Variants in PSD2 observed in about 807,000 individuals in gnomAD.
PSD2 encodes the protein PH and SEC7 domain-containing protein 2.
In PSD2, 38 loss-of-function variants were observed where a neutral mutation model predicts 69.8. That is an observed-to-expected ratio of 0.54 (90% CI 0.42 to 0.71). PSD2 has a LOEUF of 0.71. PSD2 is among the 30% of genes least tolerant of loss of function. The pLI is 0.00. For missense variants in PSD2, 943 were observed against 1,014.5 expected, an observed-to-expected ratio of 0.93 and a Z score of 0.96; for synonymous variants, 412 against 423.0, an observed-to-expected ratio of 0.97 and a Z score of 0.32.
the PSD2 span, among the ~76,000 whole-genome samples, chr5:139,751,055 G>A: frequency 2.6e-5 from 4 of 152,196 alleles, no homozygotes; most frequent in Non-Finnish European, 1.5e-5. Flanking sequence ...GTTCCTGGGG[G>A]CATGGCAGGG....
the PSD2 span, among the ~76,000 whole-genome samples, chr5:139,752,425 G>A: frequency 1.3e-5 from 2 of 152,126 alleles, no homozygotes; most frequent in Admixed American, 6.6e-5. Context: ...GAGGCAAAGC[G>A]ATGGAGAGAC....
the PSD2 span, among the ~76,000 whole-genome samples, chr5:139,778,294 A>C: frequency 1.6e-4 from 25 of 152,348 alleles, no homozygotes; most frequent in Admixed American, 1.6e-3. Context: ...GGAGACATTA[A>C]GGCCCCCCAA....
chr5:139,844,294 GT>G lies in PSD2; in HGVS notation c.*1821del, dbSNP rs1443609131. 2.0e-5 allele frequency: 3 copies of G among 152,148 alleles called. No homozygotes were observed. Among genetic ancestry groups the G allele is most frequent in the African/African-American group, 7.2e-5 (3 of 41,426 alleles). The allele number at this position is 152,148 out of a possible 1,614,324, so 9.4% of individuals were successfully genotyped here. A position where few individuals can be genotyped will look rare whatever the true frequency, so the allele number is the denominator to read the frequency against. On this transcript the variant is annotated 3_prime_UTR_variant, in exon 15 of 15. Coordinates refer to ENST00000274710, the MANE Select transcript of PSD2 (RefSeq NM_032289.4). ...CAGATGTGCTTCCTGAGCATGGGTTGTGCCTCCCATCAGTAAAAAAATGTTT... is the reference window on the plus strand; with the variant it reads ...CAGATGTGCTTCCTGAGCATGGGTTGGCCTCCCATCAGTAAAAAAATGTTT...
In PSD2 at chr5:139,805,168, TATAGAGCATG is replaced by T. The variant is rs1759774692; in HGVS notation, c.-50-4222_-50-4213del. Among the ~76,000 whole-genome samples the T allele has an allele frequency of 2.0e-5, 3 of 152,200 alleles. No individual in the cohort carries two copies. In the South Asian group the frequency reaches 6.2e-4, roughly 32 times the overall value. ...CACCCATGCACTTGCCCCTGTGTCT[TATAGAGCATG>T]CTGGCCTCTGGAGCCCTCCCTGGTG... On this transcript the variant is annotated intron_variant, in intron 1 of 14. Transcript: ENST00000274710.
upstream of PSD2, among the ~76,000 whole-genome samples, chr5:139,793,969 C>T (rs954136921): frequency 4.6e-5 from 7 of 152,174 alleles, no homozygotes; most frequent in Admixed American, 3.9e-4. Flanking sequence ...CTAAGCCCTG[C>T]CATGAGCACT....
At chr5:139,834,406 C>T (rs1410104885) in intron 8 of PSD2, among the ~76,000 whole-genome samples, 1 of 152,048 alleles carries the variant, frequency 6.6e-6, no homozygotes, top group Non-Finnish European at 1.5e-5. Flanking sequence ...CTGCCTCAGC[C>T]TCCCAAGTAG....
chr5:139,760,625 G>A, the PSD2 span, among the ~76,000 whole-genome samples: 1 of 152,182 alleles, frequency 6.6e-6, no homozygotes, highest in Non-Finnish European at 1.5e-5. Context: ...GGCTCACTGA[G>A]CAGGAATCAG....
intron 4 of PSD2, among the ~76,000 whole-genome samples, chr5:139,815,995 TAAAAA>T (rs768724760): frequency 1.2e-4 from 11 of 92,756 alleles, no homozygotes; most frequent in African/African-American, 1.7e-4. Context: ...CTCCATATAT[TAAAAA>T]AAAAAAAAAA....
chr5:139,801,990 C>T (rs1231678733), intron 1 of PSD2, among the ~76,000 whole-genome samples: 3 of 152,172 alleles, frequency 2.0e-5, no homozygotes, highest in Non-Finnish European at 4.4e-5. Flanking sequence ...AGTGAAATGG[C>T]CCAGCACAGC....
chr5:139,823,189 C>T (rs1760317784), intron 7 of PSD2, among the ~76,000 whole-genome samples: 1 of 152,234 alleles, frequency 6.6e-6, no homozygotes, highest in Non-Finnish European at 1.5e-5. Flanking sequence ...GTGGGACGCC[C>T]AGGCTGTGAG....
intron 7 of PSD2, among the ~76,000 whole-genome samples, chr5:139,825,175 G>A (rs1361582661): frequency 6.6e-6 from 1 of 152,212 alleles, no homozygotes; most frequent in Non-Finnish European, 1.5e-5. Context: ...CTCCATGAAG[G>A]GCACACACAG....
chr5:139,807,990 A>G (rs1433172793), intron 1 of PSD2, among the ~76,000 whole-genome samples: 1 of 152,134 alleles, frequency 6.6e-6, no homozygotes, highest in Non-Finnish European at 1.5e-5. Context: ...CAAGTATAGG[A>G]AGTTTGAGCC....
chr5:139,792,356 A>C (rs1478888571), upstream of PSD2, among the ~76,000 whole-genome samples: 2 of 152,166 alleles, frequency 1.3e-5, no homozygotes, highest in Non-Finnish European at 2.9e-5. Context: ...TTGGACCCAA[A>C]TGAGTCCTCC....
At chr5:139,794,643 G>A (rs1759476774), upstream of PSD2, among the ~76,000 whole-genome samples, 1 of 152,112 alleles carries the variant, frequency 6.6e-6, no homozygotes, top group African/African-American at 2.4e-5. Context: ...TGGATCATCT[G>A]CTGAGGTCTG....
chr5:139,813,666 G>T lies in PSD2; in HGVS notation c.729G>T (p.Met243Ile). ...TGAGCCGCCTGTCTCTCATGGCCAT[G>T]CCCAATGGATTCCATGAAGATGGCC... ...NVLSRLSLMA[M>I]PNGFHEDGPQ... Residue 243 changes from methionine (M) to isoleucine (I), a missense_variant, in exon 3 of 15, where the codon ATG becomes ATT. By Grantham distance (10) the Met-to-Ile change is conservative. Around this residue, in one of 3 missense-constraint regions of PSD2, gnomAD observed 466 missense variants for 445.0 expected, o/e 1.05. Coordinates refer to ENST00000274710, the MANE Select transcript of PSD2 (RefSeq NM_032289.4). 6.2e-7 allele frequency: 1 copy of T among 1,613,940 alleles called. No homozygotes were observed. The highest frequency in any genetic ancestry group is 8.5e-7 in the Non-Finnish European group (1 of 1,179,970).
chr5:139,824,494 T>G (rs1475040063), intron 7 of PSD2, among the ~76,000 whole-genome samples: 1 of 150,478 alleles, frequency 6.6e-6, no homozygotes, highest in Non-Finnish European at 1.5e-5. Flanking sequence ...CCTCCCAGGT[T>G]CATGCCATTC....
intron 1 of PSD2, among the ~76,000 whole-genome samples, chr5:139,806,404 T>A (rs1759808055): frequency 6.6e-6 from 1 of 152,222 alleles, no homozygotes; most frequent in South Asian, 2.1e-4. Context: ...CTCCAGCCCA[T>A]CTAGCTGCAG....
the PSD2 span, among the ~76,000 whole-genome samples, chr5:139,772,223 C>T: frequency 6.6e-6 from 1 of 152,164 alleles, no homozygotes; most frequent in Non-Finnish European, 1.5e-5. Flanking sequence ...TTAGATCCCT[C>T]CTCCCGCTCT....
At chr5:139,797,083 G>T (rs1289848512) in intron 1 of PSD2, among the ~76,000 whole-genome samples, 2 of 152,216 alleles carry the variant, frequency 1.3e-5, no homozygotes, top group Non-Finnish European at 2.9e-5. Context: ...GCCCAGGGCA[G>T]TTGCAGTCGT....
Sources: gnomAD v4.1 joint callset for allele counts (sites outside exome capture counted in the v4.1 genomes callset) on GRCh38, gnomAD v4.1.1 for gene constraint, gnomAD v4.1.1 regional missense constraint, MANE v1.5 for transcripts, NCBI Gene and HGNC (gene_info 2026-07-23, HGNC 2026-07-21) for gene names.